LRP4: variants seen among roughly 807,000 people sequenced by gnomAD.
LRP4 encodes the protein low-density lipoprotein receptor-related protein 4.
In LRP4, 95 loss-of-function variants were observed where a neutral mutation model predicts 220.3. That is an observed-to-expected ratio of 0.43 (90% CI 0.37 to 0.51). LRP4 has a LOEUF of 0.51. Ranked by LOEUF, LRP4 falls within the 20% of genes least tolerant of loss-of-function variation. The pLI is 0.00. For missense variants in LRP4, 1,925 were observed against 2,567.0 expected (o/e 0.75, Z 5.40); for synonymous variants, 903 against 954.6 (o/e 0.95, Z 1.00).
intron 1 of LRP4, among the ~76,000 whole-genome samples, chr11:46,907,894 A>T (rs1233528954): frequency 6.6e-6 from 1 of 152,240 alleles, no homozygotes; most frequent in Admixed American, 6.5e-5. Flanking sequence ...TAAACTGCTT[A>T]GCACAGGGCT....
At chr11:46,881,099 G>A (rs558370099) in intron 20 of LRP4, among the ~76,000 whole-genome samples, 66 of 100,550 alleles carry the variant, frequency 6.6e-4, no homozygotes, top group African/African-American at 1.7e-3. Context: ...AGTAATATTG[G>A]ATCAATGTTA....
Position 46,898,624 on chromosome 11 carries a change from T to C in LRP4, c.730A>G (p.Ile244Val). 1 of 1,614,180 alleles carries C rather than the reference T, an allele frequency of 6.2e-7. No homozygotes were observed. The highest frequency in any genetic ancestry group is 1.1e-5 in the South Asian group (1 of 91,082). ...GEFMCDSGLCINAGWRCDGDA... is the reference protein window; with the variant it reads ...GEFMCDSGLCVNAGWRCDGDA... Reference sequence around the variant, plus strand: ...CCATCGCAGCGCCAGCCTGCATTGATGCACAGGCCACTGTCACACATGAAC... The same window carrying C: ...CCATCGCAGCGCCAGCCTGCATTGACGCACAGGCCACTGTCACACATGAAC... The change falls in exon 7 of 38, where the codon ATC becomes GTC. Residue 244 changes from isoleucine to valine, a missense_variant. By Grantham distance (29) the Ile-to-Val change is conservative. Coordinates refer to ENST00000378623, the MANE Select transcript of LRP4 (RefSeq NM_002334.4).
chr11:46,864,268 G>A (rs1173942874), intron 36 of LRP4, among the ~76,000 whole-genome samples, 180 bp downstream of exon 36: 2 of 152,222 alleles, frequency 1.3e-5, no homozygotes, highest in African/African-American at 2.4e-5. Flanking sequence ...CTTAGGCTGT[G>A]ACTGGAGAAG....
In LRP4 at chr11:46,876,448, G is replaced by A. The variant is rs1326196568; in HGVS notation, c.3536+18C>T. 6.8e-6 allele frequency: 11 copies of A among 1,614,026 alleles called. No homozygotes were observed. The highest frequency in any genetic ancestry group is 1.7e-5 in the Admixed American group (1 of 60,014). ...GCTGGCCCCCCACACTACCCAGTGC[G>A]ATACAGCCAGCTCTCACCCCATCTC... On this transcript the variant is annotated intron_variant, in intron 25 of 37. Coordinates refer to ENST00000378623, the MANE Select transcript of LRP4 (RefSeq NM_002334.4).
chr11:46,871,996 G>A (rs1184549084), intron 30 of LRP4, among the ~76,000 whole-genome samples: 5 of 152,174 alleles, frequency 3.3e-5, no homozygotes, highest in Non-Finnish European at 4.4e-5. Context: ...GGTGGCTCAC[G>A]CTTGTAATCC....
chr11:46,868,608 C>G lies in LRP4; in HGVS notation c.4943G>C (p.Cys1648Ser), dbSNP rs769497270. ...CATACAGTCCAACTCACCAAGGGAGCAGGGCCGGCTATCAGGTTCGTCAGG... is the reference window on the plus strand; with the variant it reads ...CATACAGTCCAACTCACCAAGGGAGGAGGGCCGGCTATCAGGTTCGTCAGG... The part of the protein sequence containing the change: ...ACPDEPDSRP[C>S]SLVPGLVPPA... Residue 1648 changes from cysteine to serine, a missense_variant, in exon 33 of 38, where the codon TGC becomes TCC. Around this residue, in one of 3 missense-constraint regions of LRP4, gnomAD observed 1,244 missense variants for 1,624.9 expected, o/e 0.77. Transcript: ENST00000378623. 4.3e-6 allele frequency: 7 copies of G among 1,612,700 alleles called. No individual in the cohort carries two copies. In the Admixed American group the frequency reaches 6.7e-5, roughly 15 times the overall value.
intron 28 of LRP4, chr11:46,874,097 C>T (rs974873228): frequency 1.6e-4 from 28 of 173,796 alleles, no homozygotes; most frequent in Admixed American, 9.7e-4. Context: ...CGAGCTACCA[C>T]GCCAGACCCT....
At chr11:46,860,356 G>A (rs1347355272) in intron 37 of LRP4, among the ~76,000 whole-genome samples, 4 of 152,160 alleles carry the variant, frequency 2.6e-5, no homozygotes, top group Admixed American at 2.0e-4. Flanking sequence ...GGTTACTCTC[G>A]CTCTGCTGCC....
At chr11:46,912,477 C>T (rs1031420625) in intron 1 of LRP4, among the ~76,000 whole-genome samples, 13 of 152,080 alleles carry the variant, frequency 8.5e-5, no homozygotes, top group African/African-American at 2.9e-4. Context: ...TTAAACTGCC[C>T]GTGGAAGGAG....
chr11:46,877,217 C>T lies in LRP4; in HGVS notation c.3259G>A (p.Gly1087Arg), dbSNP rs906337352. 1.2e-6 allele frequency: 2 copies of T among 1,613,752 alleles called. No homozygotes were observed. The highest frequency in any genetic ancestry group is 8.5e-7 in the Non-Finnish European group (1 of 1,179,862). ...TACAGACCTTCCTGGGGGTCTACTC[C>T]AATGGCAATGGTGTTCTTCATGGTA... ...NITMKNTIAI[G>R]VDPQEGKVYW... The change falls in exon 23 of 38, where the codon GGA becomes AGA. Residue 1087 changes from glycine to arginine, a missense_variant. By Grantham distance (125) the Gly-to-Arg change is moderately radical. Coordinates refer to ENST00000378623, the MANE Select transcript of LRP4 (RefSeq NM_002334.4).
Position 46,899,593 on chromosome 11 carries a change from G to T in LRP4, c.431-90C>A. On this transcript the variant is annotated intron_variant, in intron 4 of 37. Coordinates refer to ENST00000378623, the MANE Select transcript of LRP4 (RefSeq NM_002334.4). This position sits in a 1 kb window ranked among gnomAD's most constrained non-coding sequence, Gnocchi z 5.9. The stretch of plus-strand genomic sequence containing the variant: ...TCTGACTCCCAACCTCACTGGCTTT[G>T]GCGGGTCTGACCTAGCCCCCGAAAG... The T allele has an allele frequency of 3.0e-6, 3 of 999,548 alleles. No homozygotes were observed. The highest frequency in any genetic ancestry group is 1.3e-5 in the South Asian group (1 of 78,426). 61.9% of individuals were successfully genotyped at this position (999,548 alleles called of 1,614,324 possible).
chr11:46,901,738 G>GT (rs111309615), intron 2 of LRP4, among the ~76,000 whole-genome samples: 376 of 145,156 alleles, frequency 2.6e-3, no homozygotes, highest in Middle Eastern at 3.5e-3. Flanking sequence ...GAAAATATAA[G>GT]TTTTTTTTTT....
At chr11:46,859,988 A>C (rs1940498425) in intron 37 of LRP4, among the ~76,000 whole-genome samples, 1 of 152,066 alleles carries the variant, frequency 6.6e-6, no homozygotes, top group Admixed American at 6.5e-5. Context: ...TAATCCCAGC[A>C]CTTTGGGAGG....
chr11:46,889,300 G>T, intron 16 of LRP4, 111 bp downstream of exon 16: 1 of 1,436,454 alleles, frequency 7.0e-7, no homozygotes, highest in Non-Finnish European at 9.7e-7. Context: ...AGGGCTCCCT[G>T]AGGAATGTGG....
chr11:46,884,078 G>T, intron 18 of LRP4, 102 bp from the exon 19 acceptor site: 1 of 859,852 alleles, frequency 1.2e-6, no homozygotes, highest in Non-Finnish European at 2.0e-6. Flanking sequence ...AGAGCACAGA[G>T]TAGGGGCTCA....
At chr11:46,911,248 G>A (rs1941854198) in intron 1 of LRP4, among the ~76,000 whole-genome samples, 1 of 152,084 alleles carries the variant, frequency 6.6e-6, no homozygotes, top group Non-Finnish European at 1.5e-5. Context: ...ACCTAGTAAT[G>A]TAGCCAATGC....
At chr11:46,893,215 G>A in intron 12 of LRP4, 86 bp from the exon 13 acceptor site, 1 of 1,483,052 alleles carries the variant, frequency 6.7e-7, no homozygotes, top group Admixed American at 1.7e-5. Flanking sequence ...CTTACAGGAA[G>A]CAATTTTTTG....
intron 1 of LRP4, among the ~76,000 whole-genome samples, chr11:46,905,209 G>A (rs1941740221): frequency 6.6e-6 from 1 of 152,158 alleles, no homozygotes; most frequent in South Asian, 2.1e-4. Flanking sequence ...TGAGAACTCT[G>A]AGAAGGGAGG....
Position 46,859,181 on chromosome 11 carries a change from A to G in LRP4, c.5520T>C (p.His1840=), listed in dbSNP as rs144350829. 1,709 of 1,614,120 alleles carry G rather than the reference A, an allele frequency of 1.1e-3. 2 individuals are homozygous for G. The highest frequency in any genetic ancestry group is 1.3e-3 in the Non-Finnish European group (1,478 of 1,180,012). Residue 1840 remains histidine (H), a synonymous_variant, in exon 38 of 38, where the codon CAT becomes CAC. Coordinates refer to ENST00000378623, the MANE Select transcript of LRP4 (RefSeq NM_002334.4). ...RSSRGGLLRD[H]VCMKTDTVSI... is the part of the protein sequence containing the mutation. ...ACACCGTGTCTGTCTTCATGCATAC[A>G]TGATCCCGGAGGAGGCCCCCCCGTG...
Sources: allele counts gnomAD v4.1 joint callset (sites outside exome capture counted in the v4.1 genomes callset), GRCh38; gene constraint gnomAD v4.1.1; regional missense constraint gnomAD v4.1.1; non-coding constraint Gnocchi (gnomAD v3.1); transcripts MANE v1.5; gene names NCBI Gene and HGNC (gene_info 2026-07-23, HGNC 2026-07-21).